The following TBL1X variants were observed in gnomAD, a reference collection of about 807,000 sequenced individuals.
TBL1X encodes F-box-like/WD repeat-containing protein TBL1X.
A neutral mutation model predicts 50.7 loss-of-function variants in TBL1X; 10 were observed. The ratio of observed to expected loss-of-function variants is 0.20; its 90% CI spans 0.12 to 0.33. The LOEUF (loss-of-function observed/expected upper bound fraction) is 0.33. TBL1X is among the 10% of genes least tolerant of loss of function. TBL1X has a pLI of 1.00. For synonymous variants in TBL1X, 190 were observed against 214.7 expected, an observed-to-expected ratio of 0.88 and a Z score of 1.01; for missense variants, 340 against 504.4, an observed-to-expected ratio of 0.67 and a Z score of 3.12.
chrX:9,565,722 T>C (rs1205563741), intron 2 of TBL1X, among the ~76,000 whole-genome samples: 1 of 111,226 alleles, frequency 9.0e-6, no homozygotes, highest in Non-Finnish European at 1.9e-5. Flanking sequence ...TCCCAGCCAC[T>C]GGAGAGGCTG....
chrX:9,475,818 G>T (rs965363638), intron 1 of TBL1X, among the ~76,000 whole-genome samples: 1 of 111,710 alleles, frequency 9.0e-6, no homozygotes. Context: ...TGATATGTCA[G>T]CTTTAGTTTT....
At chrX:9,609,336 G>GGGGTGTGTGTGTGTGT (rs1555900202) in intron 2 of TBL1X, among the ~76,000 whole-genome samples, 26 of 94,773 alleles carry the variant, frequency 2.7e-4, no homozygotes, top group South Asian at 1.0e-3. Flanking sequence ...TTTTCTTCCA[G>GGGGTGTGTGTGTGTGT]GTGTGTGTGT....
rs1017081584 is a variant in TBL1X, at chrX:9,699,294, G to C, written c.1114+1865G>C. On this transcript the variant is annotated intron_variant, in intron 12 of 17. Coordinates refer to ENST00000645353, the MANE Select transcript of TBL1X (RefSeq NM_005647.4). Reference sequence around the variant, plus strand: ...TCCCTCCTCTGTGTAACTCAGTCCTGATGTTAGACGTGGCCTCTTAAAACA... The same window carrying C: ...TCCCTCCTCTGTGTAACTCAGTCCTCATGTTAGACGTGGCCTCTTAAAACA... 9.8e-5 allele frequency among the ~76,000 whole-genome samples: 11 copies of C among 111,765 alleles called. 1 individual carries two copies. The highest frequency in any genetic ancestry group is 9.5e-4 in the Admixed American group (10 of 10,537).
chrX:9,702,608 A>AAG (rs2083181407), intron 12 of TBL1X, among the ~76,000 whole-genome samples: 1 of 58,718 alleles, frequency 1.7e-5, no homozygotes, highest in African/African-American at 9.3e-5. Flanking sequence ...CATCTCCAAG[A>AAG]AAAAAAAAAA....
intron 5 of TBL1X, among the ~76,000 whole-genome samples, chrX:9,662,767 C>T (rs934387009): frequency 6.3e-5 from 7 of 111,469 alleles, no homozygotes; most frequent in Non-Finnish European, 1.1e-4. Context: ...GCTTGGACAA[C>T]GTAGCAAGAC....
intron 16 of TBL1X, among the ~76,000 whole-genome samples, chrX:9,712,193 G>A (rs1049896025): frequency 8.0e-5 from 9 of 112,770 alleles, no homozygotes; most frequent in Non-Finnish European, 1.1e-4. Flanking sequence ...GGTGGGAGTG[G>A]GGGACCAGCT....
At chrX:9,471,840 A>C (rs1257823052) in intron 1 of TBL1X, among the ~76,000 whole-genome samples, 1 of 111,083 alleles carries the variant, frequency 9.0e-6, no homozygotes, top group Non-Finnish European at 1.9e-5. Flanking sequence ...AGAAAACATG[A>C]GAGTTTTTTC....
chrX:9,718,589 A>G lies in TBL1X; in HGVS notation c.*2343A>G, dbSNP rs1215976472. The G allele has an allele frequency of 9.0e-6, 1 of 111,608 alleles. No homozygotes were observed. The highest frequency in any genetic ancestry group is 1.9e-5 in the Non-Finnish European group (1 of 53,112). The allele number at this position is 111,608 out of a possible 1,213,427, so 9.2% of individuals were successfully genotyped here. A position where few individuals can be genotyped will look rare whatever the true frequency, so the allele number is the denominator to read the frequency against. ...CCATCTCTACCCCACCCAAATAAAAATGCACTCATCTCTGTAGAACATCTG... is the reference window on the plus strand; with the variant it reads ...CCATCTCTACCCCACCCAAATAAAAGTGCACTCATCTCTGTAGAACATCTG... On this transcript the variant is annotated 3_prime_UTR_variant, in exon 18 of 18. Coordinates refer to ENST00000645353, the MANE Select transcript of TBL1X (RefSeq NM_005647.4).
rs781661041 is a variant in TBL1X at position 9,501,863 on chromosome X, T to A, written c.-131+14T>A. The A allele has an allele frequency of 1.4e-3, 157 of 111,655 alleles. No individual in the cohort carries two copies. The highest frequency in any genetic ancestry group is 4.9e-3 in the African/African-American group (151 of 30,688). The allele number at this position is 111,655 out of a possible 1,213,427, so 9.2% of individuals were successfully genotyped here. On this transcript the variant is annotated intron_variant, in intron 2 of 17. Coordinates refer to ENST00000645353, the MANE Select transcript of TBL1X (RefSeq NM_005647.4). ...CCACCGTGAAAGGTACAGCAAATTT[T>A]ACTTCCCTCTTCTTGCCTCGTTGGA...
chrX:9,597,286 G>C, intron 2 of TBL1X, among the ~76,000 whole-genome samples: 1 of 111,803 alleles, frequency 8.9e-6, no homozygotes, highest in East Asian at 2.8e-4. Flanking sequence ...TGAGCCATGC[G>C]GAGAACGGGC....
chrX:9,679,312 G>A (rs763031242), intron 5 of TBL1X, among the ~76,000 whole-genome samples: 11 of 110,662 alleles, frequency 9.9e-5, no homozygotes, highest in Admixed American at 1.9e-4. Context: ...AGAGGCCGGG[G>A]GTGCTGCTCA....
At chrX:9,695,206 A>AAC (rs201834660) in intron 11 of TBL1X, among the ~76,000 whole-genome samples, 4,687 of 111,773 alleles carry the variant, frequency 0.042, 117 homozygotes, top group Middle Eastern at 0.065. Flanking sequence ...AGAGATGAGC[A>AAC]GTTGCAAGAG....
At chrX:9,691,171 C>T (rs2083094241) in intron 7 of TBL1X, among the ~76,000 whole-genome samples, 1 of 111,777 alleles carries the variant, frequency 8.9e-6, no homozygotes, top group Non-Finnish European at 1.9e-5. Context: ...CGTGGTGGCT[C>T]ACGCCTGTAA....
At chrX:9,508,250 A>G (rs1172232260) in intron 2 of TBL1X, among the ~76,000 whole-genome samples, 1 of 112,512 alleles carries the variant, frequency 8.9e-6, no homozygotes, top group Non-Finnish European at 1.9e-5. Flanking sequence ...TTTACAAGAA[A>G]AAAACAACCC....
At chrX:9,583,246 G>A (rs748091658) in intron 2 of TBL1X, among the ~76,000 whole-genome samples, 14 of 112,348 alleles carry the variant, frequency 1.2e-4, no homozygotes, top group Admixed American at 3.8e-4. Flanking sequence ...GCTGCATAAC[G>A]CCAATCTCTG....
intron 2 of TBL1X, among the ~76,000 whole-genome samples, chrX:9,539,514 TAA>T (rs2082204875): frequency 8.9e-6 from 1 of 111,912 alleles, no homozygotes; most frequent in Non-Finnish European, 1.9e-5. Flanking sequence ...TCCTCATGGC[TAA>T]GTTCTACTTA....
rs946587789 is a variant in TBL1X, at chrX:9,646,680, G to A, written c.-43+6320G>A. 2.7e-5 allele frequency among the ~76,000 whole-genome samples: 3 copies of A among 111,995 alleles called. No homozygotes were observed. In the Admixed American group the frequency reaches 2.8e-4, roughly 11 times the overall value. On this transcript the variant is annotated intron_variant, in intron 3 of 17. Coordinates refer to ENST00000645353, the MANE Select transcript of TBL1X (RefSeq NM_005647.4). ...TCCCTCCAAGCAATGGATTCTTCCA[G>A]CACAGACGCCAACAGCCTGACTAAT... is the stretch of plus-strand genomic sequence containing the variant.
intron 1 of TBL1X, among the ~76,000 whole-genome samples, chrX:9,476,664 C>T (rs2081851257): frequency 8.9e-6 from 1 of 111,809 alleles, no homozygotes; most frequent in Non-Finnish European, 1.9e-5. Flanking sequence ...ATGGTAAAAG[C>T]CCCTGGGACG....
intron 2 of TBL1X, among the ~76,000 whole-genome samples, chrX:9,584,001 A>G (rs967302013): frequency 5.3e-5 from 6 of 112,315 alleles, no homozygotes; most frequent in African/African-American, 1.9e-4. Context: ...ATGAAGCTCA[A>G]TCTCCCTCAT....
Sources: allele counts gnomAD v4.1 joint callset (sites outside exome capture counted in the v4.1 genomes callset), GRCh38; gene constraint gnomAD v4.1.1; transcripts MANE v1.5; gene names NCBI Gene and HGNC (gene_info 2026-07-23, HGNC 2026-07-21).